Variants in ERBB4 observed in about 807,000 individuals in gnomAD.
The protein encoded by ERBB4 is erb-b2 receptor tyrosine kinase 4.
A neutral mutation model predicts 158.0 loss-of-function variants in ERBB4; 42 were observed. The ratio of observed to expected loss-of-function variants is 0.27; its 90% confidence interval spans 0.21 to 0.34. The LOEUF (loss-of-function observed/expected upper bound fraction) is 0.34, where lower values mean the gene tolerates loss of function less well. Ranked by LOEUF, ERBB4 falls within the 10% of genes least tolerant of loss-of-function variation. The pLI is 1.00. For synonymous variants in ERBB4, 583 were observed against 558.7 expected (o/e 1.04, Z -0.61); for missense variants, 1,333 against 1,624.1 (o/e 0.82, Z 3.08).
chr2:211,662,431 G>A (rs962248953), intron 15 of ERBB4, among the ~76,000 whole-genome samples: 7 of 152,106 alleles, frequency 4.6e-5, no homozygotes, highest in Non-Finnish European at 1.0e-4. Flanking sequence ...GAAGGGTCTG[G>A]TCTCTAACAG....
chr2:212,290,310 T>C (rs574679029), intron 1 of ERBB4, among the ~76,000 whole-genome samples: 1 of 152,298 alleles, frequency 6.6e-6, no homozygotes, highest in South Asian at 2.1e-4. Context: ...CAACGACTTC[T>C]ACGTGTACAG....
intron 1 of ERBB4, among the ~76,000 whole-genome samples, chr2:212,503,517 A>G (rs1691016521): frequency 6.6e-6 from 1 of 152,194 alleles, no homozygotes; most frequent in South Asian, 2.1e-4. Context: ...TTGAAGTGAT[A>G]TCTAGATACT....
intron 3 of ERBB4, among the ~76,000 whole-genome samples, chr2:211,899,114 A>T (rs904515845): frequency 6.6e-6 from 1 of 152,162 alleles, no homozygotes; most frequent in Admixed American, 6.6e-5. Context: ...AAAAACTCAG[A>T]TGTTCAAGAC....
At chr2:212,113,934 G>C (rs548350929) in intron 2 of ERBB4, among the ~76,000 whole-genome samples, 1 of 152,146 alleles carries the variant, frequency 6.6e-6, no homozygotes, top group Non-Finnish European at 1.5e-5. Flanking sequence ...AGTAATTCCT[G>C]TGCATTTTTT....
intron 2 of ERBB4, among the ~76,000 whole-genome samples, chr2:211,964,671 A>G (rs2081266139): frequency 6.6e-6 from 1 of 152,154 alleles, no homozygotes; most frequent in South Asian, 2.1e-4. Context: ...AACTTAAAAA[A>G]TAATTCATGC....
At chr2:211,454,160 C>A (rs936617814) in intron 20 of ERBB4, among the ~76,000 whole-genome samples, 1 of 152,140 alleles carries the variant, frequency 6.6e-6, no homozygotes, top group Non-Finnish European at 1.5e-5. Context: ...TTGTGATTAA[C>A]ATTAGAATAA....
At chr2:211,857,907 C>T (rs1041485937) in intron 3 of ERBB4, among the ~76,000 whole-genome samples, 4 of 152,156 alleles carry the variant, frequency 2.6e-5, no homozygotes, top group African/African-American at 9.7e-5. Flanking sequence ...AAGGATCTCA[C>T]AACAATAAAT....
At chr2:212,214,671 A>C (rs1383842007) in intron 1 of ERBB4, among the ~76,000 whole-genome samples, 2 of 117,812 alleles carry the variant, frequency 1.7e-5, no homozygotes, top group Admixed American at 1.8e-4. Flanking sequence ...AAATTTGTAC[A>C]ATCTTTTTGG....
At chr2:211,755,445 T>C (rs919936776) in intron 4 of ERBB4, among the ~76,000 whole-genome samples, 1 of 152,198 alleles carries the variant, frequency 6.6e-6, no homozygotes, top group African/African-American at 2.4e-5. Flanking sequence ...AAGGTTGCAG[T>C]GAGCCATGAT....
intron 3 of ERBB4, among the ~76,000 whole-genome samples, chr2:211,938,278 G>T (rs2080384297): frequency 6.6e-6 from 1 of 152,064 alleles, no homozygotes; most frequent in African/African-American, 2.4e-5. Flanking sequence ...TTCATTTGAA[G>T]ATAAGGAAAC....
chr2:211,716,621 A>G (rs1280475635), intron 7 of ERBB4, among the ~76,000 whole-genome samples: 7 of 152,060 alleles, frequency 4.6e-5, no homozygotes, highest in African/African-American at 4.8e-5. Flanking sequence ...GCTTGCAGTG[A>G]GCCGAGATTG....
chr2:211,409,048 AAAAT>A (rs1356703810), intron 25 of ERBB4, among the ~76,000 whole-genome samples: 6 of 152,220 alleles, frequency 3.9e-5, no homozygotes, highest in Non-Finnish European at 8.8e-5. Flanking sequence ...TTTAAAAAAC[AAAAT>A]AAATAAAGTA....
chr2:211,777,578 G>A (rs1217733629), intron 4 of ERBB4: 3 of 152,044 alleles, frequency 2.0e-5, no homozygotes, highest in Non-Finnish European at 4.4e-5. Flanking sequence ...TCCCTACGAG[G>A]TTTACCCCCA....
intron 12 of ERBB4, among the ~76,000 whole-genome samples, chr2:211,690,721 G>A (rs988287561): frequency 2.6e-5 from 4 of 152,032 alleles, no homozygotes; most frequent in Non-Finnish European, 4.4e-5. Flanking sequence ...AGAAATTTTC[G>A]ATCAGCACCA....
At chr2:212,118,047 G>A (rs1022192206) in intron 2 of ERBB4, among the ~76,000 whole-genome samples, 9 of 151,988 alleles carry the variant, frequency 5.9e-5, no homozygotes, top group East Asian at 3.9e-4. Flanking sequence ...AGCTTAGCCC[G>A]GACACAGAGT....
At chr2:211,872,825 T>C (rs2078386246) in intron 3 of ERBB4, among the ~76,000 whole-genome samples, 1 of 152,004 alleles carries the variant, frequency 6.6e-6, no homozygotes, top group Non-Finnish European at 1.5e-5. Flanking sequence ...AGTGATATTA[T>C]ATGTCTGTTA....
At chr2:212,060,959 T>TAATAAATA (rs58630259) in intron 2 of ERBB4, among the ~76,000 whole-genome samples, 3,016 of 145,842 alleles carry the variant, frequency 0.021, 47 homozygotes, top group African/African-American at 0.041. Flanking sequence ...TAAAGTATGA[T>TAATAAATA]AATAAATAAA....
chr2:211,893,601 G>A (rs542260464), intron 3 of ERBB4, among the ~76,000 whole-genome samples: 10 of 139,836 alleles, frequency 7.2e-5, no homozygotes, highest in Admixed American at 6.2e-4. Context: ...AGCAAAAGAA[G>A]CTACCATCAG....
rs775918426 is a variant in ERBB4 at position 212,013,058 on chromosome 2, C to CTT, written c.235-65444_235-65443dup. On this transcript the variant is annotated intron_variant, in intron 2 of 27. Coordinates refer to ENST00000342788, the MANE Select transcript of ERBB4 (RefSeq NM_005235.3). The stretch of plus-strand genomic sequence containing the variant: ...CCATGCCCAGCCAAGAAATACTTTC[C>CTT]TTTTTTTTTTTTTTTTGAGACAGAG... 2.9e-3 allele frequency among the ~76,000 whole-genome samples: 408 copies of CTT among 139,708 alleles called. 2 individuals are homozygous for CTT. Among genetic ancestry groups the CTT allele is most frequent in the African/African-American group, 0.01 (384 of 38,130 alleles). The allele number at this position is 139,708 out of a possible 152,430, so 91.7% of individuals were successfully genotyped here.
Sources: allele counts gnomAD v4.1 joint callset (sites outside exome capture counted in the v4.1 genomes callset), GRCh38; gene constraint gnomAD v4.1.1; transcripts MANE v1.5; gene names NCBI Gene and HGNC (gene_info 2026-07-23, HGNC 2026-07-21).